Variants in HPS4 observed in about 807,000 individuals in gnomAD.
HPS4 encodes the protein BLOC-3 complex member HPS4.
Under a neutral mutation model 70.3 loss-of-function variants are expected in HPS4, and 44 were observed. That is an observed-to-expected ratio of 0.63 (90% CI 0.49 to 0.80). HPS4 has a LOEUF of 0.80. Ranked by LOEUF, HPS4 falls within the 30% of genes least tolerant of loss-of-function variation. The pLI, the probability that HPS4 is intolerant of heterozygous loss-of-function variation, is 0.00. For synonymous variants in HPS4, 377 were observed against 355.9 expected (o/e 1.06, Z -0.67); for missense variants, 873 against 884.4 (o/e 0.99, Z 0.16).
intron 3 of HPS4, among the ~76,000 whole-genome samples, chr22:26,478,349 G>T (rs1269872937): frequency 6.6e-6 from 1 of 151,842 alleles, no homozygotes; most frequent in African/African-American, 2.4e-5. Context: ...GAGGTGGGTG[G>T]ATCACGAGGT....
chr22:26,471,561 C>G (rs2089811889), intron 6 of HPS4, among the ~76,000 whole-genome samples: 1 of 152,176 alleles, frequency 6.6e-6, no homozygotes, highest in South Asian at 2.1e-4. Flanking sequence ...TTCTTCATAG[C>G]CTCAAGACTG....
downstream of HPS4, among the ~76,000 whole-genome samples, chr22:26,446,135 AAG>A (rs1367072064): frequency 6.6e-6 from 1 of 152,174 alleles, no homozygotes; most frequent in Non-Finnish European, 1.5e-5. Context: ...CAAGGTGAGA[AAG>A]GGGAGCCAGC....
chr22:26,446,308 A>C (rs2084950157), downstream of HPS4, among the ~76,000 whole-genome samples: 1 of 152,186 alleles, frequency 6.6e-6, no homozygotes, highest in Admixed American at 6.5e-5. Context: ...CCTGTTCATC[A>C]GCCCCTAGAG....
At chr22:26,450,496 A>G (rs925102424), downstream of HPS4, among the ~76,000 whole-genome samples, 17 of 152,206 alleles carry the variant, frequency 1.1e-4, no homozygotes, top group Admixed American at 8.5e-4. Flanking sequence ...AGAAGTCTAG[A>G]TGCTTCCCTC....
At chr22:26,461,702 C>T (rs1356275908) in intron 11 of HPS4, among the ~76,000 whole-genome samples, 1 of 152,186 alleles carries the variant, frequency 6.6e-6, no homozygotes, top group East Asian at 1.9e-4. Flanking sequence ...AAAGTATTTT[C>T]AAGGCTAGTC....
rs1229074715 is a variant in HPS4 at position 26,457,960 on chromosome 22, C to T, written c.1854G>A (p.Leu618=). The T allele has an allele frequency of 6.2e-7, 1 of 1,613,096 alleles. No homozygotes were observed. The highest frequency in any genetic ancestry group is 8.5e-7 in the Non-Finnish European group (1 of 1,179,892). The part of the protein sequence containing the change: ...DRIQSLLMAN[L]PQVATPQDRR... ...GATCCTGCGGGGTGGCCACCTGCGG[C>T]AGGTTTGCTTCCAGAAGAGGACACA... is the stretch of plus-strand genomic sequence containing the variant. The change falls in exon 13 of 14, where the codon CTG becomes CTA. Residue 618 remains leucine (L), a synonymous_variant. Coordinates refer to ENST00000398145, the MANE Select transcript of HPS4 (RefSeq NM_022081.6).
chr22:26,447,475 G>A (rs2084992060), downstream of HPS4, among the ~76,000 whole-genome samples: 1 of 151,924 alleles, frequency 6.6e-6, no homozygotes. Context: ...AATCCACTCT[G>A]TGAGTGTCAA....
downstream of HPS4, among the ~76,000 whole-genome samples, chr22:26,449,994 G>C (rs1280306438): frequency 1.3e-5 from 2 of 152,190 alleles, no homozygotes; most frequent in Non-Finnish European, 2.9e-5. Context: ...GGCATTCCTT[G>C]ACTGGCGGCC....
chr22:26,475,533 G>A (rs1602060253), intron 4 of HPS4: 1 of 151,872 alleles, frequency 6.6e-6, no homozygotes, highest in Non-Finnish European at 1.5e-5. Context: ...TGTATTTTTA[G>A]TACAGACAGG....
downstream of HPS4, chr22:26,443,333 T>C: frequency 1.4e-6 from 1 of 738,612 alleles, no homozygotes; most frequent in Non-Finnish European, 2.3e-6. Context: ...AGCTCTTATT[T>C]GGGATTTTAT....
downstream of HPS4, among the ~76,000 whole-genome samples, chr22:26,447,771 A>G (rs962920047): frequency 1.3e-5 from 2 of 152,104 alleles, no homozygotes; most frequent in African/African-American, 4.8e-5. Context: ...ATTAGGAGGC[A>G]GGAGGGAGCA....
At chr22:26,448,195 C>T (rs922713083), downstream of HPS4, among the ~76,000 whole-genome samples, 3 of 152,226 alleles carry the variant, frequency 2.0e-5, no homozygotes, top group Non-Finnish European at 4.4e-5. Context: ...TCTCCCTGTG[C>T]TGGGAGGCCA....
rs756670349 is a variant in HPS4 at position 26,466,259 on chromosome 22, G to A, written c.673C>T (p.Leu225Phe). 3.1e-6 allele frequency: 5 copies of A among 1,614,226 alleles called. No individual in the cohort carries two copies. In the Admixed American group the frequency reaches 8.3e-5, roughly 27 times the overall value. Residue 225 changes from leucine to phenylalanine, a missense_variant, in exon 9 of 14, where the codon CTC becomes TTC. Leu to Phe is a conservative substitution (Grantham distance 22). Transcript: ENST00000398145. The stretch of plus-strand genomic sequence containing the variant: ...TGCGGGGCATCCTCTCCCGTAGGGA[G>A]TCTCTGAAAACAAACACACACAGAA... ...LHRTAPQEQR[L>F]PTGEDAPQEH...
intron 1 of HPS4, among the ~76,000 whole-genome samples, chr22:26,483,276 CCT>C (rs2091482090): frequency 6.6e-6 from 1 of 152,180 alleles, no homozygotes; most frequent in African/African-American, 2.4e-5. Context: ...CTACCGAGGT[CCT>C]CTCTTATCTC....
intron 12 of HPS4, 151 bp downstream of exon 12, chr22:26,458,294 G>C: frequency 1.1e-6 from 1 of 944,460 alleles, no homozygotes; most frequent in East Asian, 2.5e-5. Context: ...CACTCAGTGG[G>C]ACTGGGCTCC....
Position 26,465,436 on chromosome 22 carries a change from T to G in HPS4, c.803+19A>C, listed in dbSNP as rs771928027. ...CCCTCAGGTGTGGTGCAAGGTTAAC[T>G]CTCTGTGCACTCCATTACCTTGTCA... On this transcript the variant is annotated intron_variant, in intron 10 of 13. Transcript: ENST00000398145. The G allele has an allele frequency of 2.5e-6, 4 of 1,568,780 alleles. No homozygotes were observed. Among genetic ancestry groups the G allele is most frequent in the Non-Finnish European group, 1.8e-6 (2 of 1,138,676 alleles).
chr22:26,479,893 G>A (rs1051244516), intron 2 of HPS4, among the ~76,000 whole-genome samples: 5 of 152,082 alleles, frequency 3.3e-5, no homozygotes, highest in African/African-American at 9.7e-5. Context: ...CCAAAAGTTC[G>A]TAACAGGGAA....
At chr22:26,444,713 G>A (rs2084896280) in intron 3 of HPS4, 1 of 152,256 alleles carries the variant, frequency 6.6e-6, no homozygotes, top group Admixed American at 6.5e-5. Context: ...AGAAAACACA[G>A]TTGAAATGCA....
chr22:26,454,096 T>G (rs961371260), intron 13 of HPS4: 1 of 153,212 alleles, frequency 6.5e-6, no homozygotes, highest in Non-Finnish European at 1.5e-5. Context: ...CCAACTATTA[T>G]GGGCCTCAGT....
Sources: gnomAD v4.1 joint callset for allele counts (sites outside exome capture counted in the v4.1 genomes callset) on GRCh38, gnomAD v4.1.1 for gene constraint, MANE v1.5 for transcripts, NCBI Gene and HGNC (gene_info 2026-07-23, HGNC 2026-07-21) for gene names.